HSPG2: variants seen among roughly 807,000 people sequenced by gnomAD.
HSPG2 encodes the protein basement membrane-specific heparan sulfate proteoglycan core protein.
HSPG2 carries 278 observed loss-of-function variants against 526.6 expected under a neutral mutation model. The observed-to-expected ratio is 0.53, with a 90% CI of 0.48 to 0.58. HSPG2 has a LOEUF of 0.58. Ranked by LOEUF, HSPG2 falls within the 20% of genes least tolerant of loss-of-function variation. HSPG2 has a pLI of 0.00. For missense variants in HSPG2, 5,354 were observed against 6,099.5 expected (o/e 0.88, Z 4.07); for synonymous variants, 2,465 against 2,555.4 (o/e 0.96, Z 1.07).
At chr1:21,936,991 G>A (rs1644504900) in intron 1 of HSPG2, among the ~76,000 whole-genome samples, 164 bp downstream of exon 1, 1 of 151,844 alleles carries the variant, frequency 6.6e-6, no homozygotes. Flanking sequence ...ATGCCGCAGG[G>A]TGGCGCCGGC....
rs762876188 is a variant in HSPG2 at position 21,855,551 on chromosome 1, C to A, written c.5826G>T (p.Gln1942His). ...LCRAHSSAGQ[Q>H]VARAVLHVHG... ...GCACGTGGAGCACAGCCCTGGCCAC[C>A]TGCTGCCCAGCGCTGCTGTGGGCTC... The change falls in exon 46 of 97, where the codon CAG (glutamine) becomes CAT (histidine). Residue 1942 changes from glutamine to histidine, a missense_variant. Physicochemically the swap from Gln to His is conservative, Grantham distance 24. Transcript: ENST00000374695. The A allele has an allele frequency of 5.0e-6, 8 of 1,605,216 alleles. No individual in the cohort carries two copies. The Admixed American group carries it at 1.0e-4, about 20-fold the overall frequency.
rs1361610020 is a variant in HSPG2, at chr1:21,842,095, G to C, written c.9100C>G (p.Gln3034Glu). 6.2e-7 allele frequency: 1 copy of C among 1,613,692 alleles called. No homozygotes were observed. The change falls in exon 69 of 97, where the codon CAG becomes GAG. Residue 3034 changes from glutamine (Q) to glutamate (E), a missense_variant. Transcript: ENST00000374695. ...TTGAAGCTGGCATCCTGGCCCTGCT[G>C]CACGGTGCTGCTGGGCGGGTCGATG... is the stretch of plus-strand genomic sequence containing the variant. The part of the protein sequence containing the change: ...ISIDPPSSTV[Q>E]QGQDASFKCL...
chr1:21,824,903 T>C lies in HSPG2; in HGVS notation c.12590-124A>G. ...TAGGGGGCTCCGAGCCTGCAGTCCC[T>C]GGGGACCCACGGGGGCTGCCAACAG... On this transcript the variant is annotated intron_variant, in intron 91 of 96. Transcript: ENST00000374695. The surrounding 1 kb of genome is among the most constrained non-coding windows in gnomAD (Gnocchi z 5.9). 2.3e-6 allele frequency: 2 copies of C among 887,960 alleles called. No individual in the cohort carries two copies. Among genetic ancestry groups the C allele is most frequent in the Non-Finnish European group, 3.7e-6 (2 of 545,560 alleles). 55.0% of individuals were successfully genotyped at this position (887,960 alleles called of 1,614,324 possible). A position where few individuals can be genotyped will look rare whatever the true frequency, so the allele number is the denominator to read the frequency against.
chr1:21,851,654 C>A lies in HSPG2; in HGVS notation c.7050G>T (p.Ser2350=), dbSNP rs369241951. 1 of 1,613,800 alleles carries A rather than the reference C, an allele frequency of 6.2e-7. No homozygotes were observed. Among genetic ancestry groups the A allele is most frequent in the Admixed American group, 1.7e-5 (1 of 60,016 alleles). The change falls in exon 55 of 97, where the codon TCG becomes TCT. Residue 2350 remains serine (S), a synonymous_variant. Transcript: ENST00000374695. ...CCAGGGTCTGCCCTTCCGCCACTTG[C>A]GAGGAGGAGGGCTCGATGCGGATGG... ...TQPIRIEPSS[S]QVAEGQTLDL... is the part of the protein sequence containing the mutation.
At chr1:21,896,865 A>T (rs1374761950) in intron 1 of HSPG2, among the ~76,000 whole-genome samples, 1 of 152,200 alleles carries the variant, frequency 6.6e-6, no homozygotes. Context: ...CAGGGAACAC[A>T]TTCCACTGTG....
At chr1:21,922,851 C>G (rs34600791) in intron 1 of HSPG2, among the ~76,000 whole-genome samples, 2,316 of 152,260 alleles carry the variant, frequency 0.015, 26 homozygotes, top group South Asian at 0.025. Context: ...CCCAGTACCC[C>G]CTCCTCGACC....
intron 91 of HSPG2, among the ~76,000 whole-genome samples, chr1:21,826,870 T>C (rs569242927): frequency 9.8e-5 from 15 of 152,360 alleles, no homozygotes; most frequent in Middle Eastern, 3.4e-3. Flanking sequence ...CACATTGTTC[T>C]AGGCATTTAA....
Position 21,859,675 on chromosome 1 carries a change from G to A in HSPG2, c.5184C>T (p.Gly1728=), listed in dbSNP as rs1293615920. 1 of 1,606,126 alleles carries A rather than the reference G, an allele frequency of 6.2e-7. No homozygotes were observed. Among genetic ancestry groups the A allele is most frequent in the South Asian group, 1.1e-5 (1 of 89,420 alleles). Residue 1728 remains glycine (G), a splice_region_variant and synonymous_variant, in exon 42 of 97, where the codon GGC becomes GGT. Transcript: ENST00000374695. This position sits in a 1 kb window ranked among gnomAD's most constrained non-coding sequence, Gnocchi z 5.3. The stretch of plus-strand genomic sequence containing the variant: ...GGACGCTGGGGAAGTGGAGCTCGGA[G>A]CCTGGTGGGGAGGAGACAAGAGCTT... ...VPSGTQQRHQ[G]SELHFPSVQP... is the part of the protein sequence containing the mutation.
chr1:21,927,841 G>A (rs1644246531), intron 1 of HSPG2, among the ~76,000 whole-genome samples: 1 of 152,244 alleles, frequency 6.6e-6, no homozygotes, highest in Non-Finnish European at 1.5e-5. Context: ...CTGCGAAAGA[G>A]GCCCAGGGAA....
intron 70 of HSPG2, 115 bp from the exon 71 acceptor site, chr1:21,841,400 G>T: frequency 6.4e-7 from 1 of 1,559,378 alleles, no homozygotes; most frequent in Non-Finnish European, 8.8e-7. Flanking sequence ...CCACTGCACT[G>T]AGGTGGAAAC....
rs560481172 is a variant in HSPG2, at chr1:21,823,206, G to A, written c.*110C>T. The A allele has an allele frequency of 1.9e-5, 20 of 1,074,428 alleles. No individual in the cohort carries two copies. Among genetic ancestry groups the A allele is most frequent in the Admixed American group, 6.1e-5 (2 of 32,636 alleles). 66.6% of individuals were successfully genotyped at this position (1,074,428 alleles called of 1,614,324 possible). A position where few individuals can be genotyped will look rare whatever the true frequency, so the allele number is the denominator to read the frequency against. On this transcript the variant is annotated 3_prime_UTR_variant, in exon 97 of 97. Transcript: ENST00000374695. ...CAGCCCAGGGCGGTAGCAGCAAAGC[G>A]TGGCATCGCCTCGGTTTCTTACAAA...
chr1:21,882,979 C>G lies in HSPG2; in HGVS notation c.1655-1477G>C, dbSNP rs186131001. On this transcript the variant is annotated intron_variant, in intron 13 of 96. Coordinates refer to ENST00000374695, the MANE Select transcript of HSPG2 (RefSeq NM_005529.7). ...TTTCCTCCCTGCCTTCCGGGGATGTCTTCAGGCCTCCTCCCTCCTGGTCAC... is the reference window on the plus strand; with the variant it reads ...TTTCCTCCCTGCCTTCCGGGGATGTGTTCAGGCCTCCTCCCTCCTGGTCAC... Among the ~76,000 whole-genome samples, 7 of 152,290 alleles carry G rather than the reference C, an allele frequency of 4.6e-5. No homozygotes were observed. The East Asian group carries it at 1.3e-3, about 29-fold the overall frequency.
At position 21,857,171 on chromosome 1, in the gene HSPG2, T is replaced by A; in HGVS notation, c.5419A>T (p.Thr1807Ser). Residue 1807 changes from threonine (T) to serine (S), a missense_variant, in exon 44 of 97, where the codon ACC (threonine) becomes TCC (serine). By Grantham distance (58) the Thr-to-Ser change is moderately conservative. Transcript: ENST00000374695. ...SKSPAYTLVW[T>S]RLHNGKLPTR... ...GGCAGTTTCCCGTTGTGCAGGCGGG[T>A]CCACACCAGGGTATAGGCTGGGGAC... The A allele has an allele frequency of 6.2e-7, 1 of 1,613,530 alleles. No homozygotes were observed. Among genetic ancestry groups the A allele is most frequent in the South Asian group, 1.1e-5 (1 of 91,030 alleles).
In HSPG2 at chr1:21,865,197, G is replaced by A. The variant is rs1355596863; in HGVS notation, c.4395+88C>T. ...GGCTGCCAGGTGAAGGTTGGGGAGCGAGAGACAGGGTGGGTATCAAAGCCA... is the reference window on the plus strand; with the variant it reads ...GGCTGCCAGGTGAAGGTTGGGGAGCAAGAGACAGGGTGGGTATCAAAGCCA... On this transcript the variant is annotated intron_variant, in intron 35 of 96. Coordinates refer to ENST00000374695, the MANE Select transcript of HSPG2 (RefSeq NM_005529.7). The surrounding 1 kb of genome is among the most constrained non-coding windows in gnomAD (Gnocchi z 5.4). The A allele has an allele frequency of 7.2e-6, 11 of 1,517,748 alleles. No homozygotes were observed. Among genetic ancestry groups the A allele is most frequent in the South Asian group, 5.6e-5 (5 of 89,132 alleles). The allele number at this position is 1,517,748 out of a possible 1,614,324, so 94.0% of individuals were successfully genotyped here. A position where few individuals can be genotyped will look rare whatever the true frequency, so the allele number is the denominator to read the frequency against.
intron 1 of HSPG2, among the ~76,000 whole-genome samples, chr1:21,921,375 C>T (rs1272563908): frequency 6.6e-6 from 1 of 152,142 alleles, no homozygotes; most frequent in African/African-American, 2.4e-5. Context: ...TCTGTTCATA[C>T]AGCTGCCACC....
intron 1 of HSPG2, among the ~76,000 whole-genome samples, chr1:21,927,974 A>G (rs965768185): frequency 6.6e-6 from 1 of 152,232 alleles, no homozygotes; most frequent in Admixed American, 6.5e-5. Context: ...CCTTGTCTTT[A>G]GCAGGAACGA....
At chr1:21,835,983 CAAAAAA>C (rs71569851) in intron 75 of HSPG2, among the ~76,000 whole-genome samples, 2 of 75,802 alleles carry the variant, frequency 2.6e-5, no homozygotes, top group Middle Eastern at 7.5e-3. Flanking sequence ...GATTCCATCT[CAAAAAA>C]AAAAAAAAAA....
chr1:21,895,853 C>T lies in HSPG2; in HGVS notation c.244+69G>A. The T allele has an allele frequency of 1.3e-6, 2 of 1,484,748 alleles. No homozygotes were observed. Among genetic ancestry groups the T allele is most frequent in the Non-Finnish European group, 1.9e-6 (2 of 1,063,658 alleles). The allele number at this position is 1,484,748 out of a possible 1,614,324, so 92.0% of individuals were successfully genotyped here. A position where few individuals can be genotyped will look rare whatever the true frequency, so the allele number is the denominator to read the frequency against. On this transcript the variant is annotated intron_variant, in intron 3 of 96. Coordinates refer to ENST00000374695, the MANE Select transcript of HSPG2 (RefSeq NM_005529.7). This position sits in a 1 kb window ranked among gnomAD's most constrained non-coding sequence, Gnocchi z 4.1. ...GGGCAGGCCCAAGGAGCCCTCAGCC[C>T]AGGAGACTGGCTCTGGGGCTTCCCT...
chr1:21,878,615 G>A lies in HSPG2; in HGVS notation c.2520C>T (p.Asp840=), dbSNP rs544565016. Residue 840 remains aspartate (D), a synonymous_variant, in exon 19 of 97, where the codon GAC becomes GAT. Transcript: ENST00000374695. Reference sequence around the variant, plus strand: ...GGCCAGTGTAGCCTGGGGCACAGGCGTCACATGTGGCTTGGCCATCCGTGT... The same window carrying A: ...GGCCAGTGTAGCCTGGGGCACAGGCATCACATGTGGCTTGGCCATCCGTGT... ...FLDTDGQATC[D]ACAPGYTGRR... is the part of the protein sequence containing the mutation. 116 of 1,614,118 alleles carry A rather than the reference G, an allele frequency of 7.2e-5. No homozygotes were observed. The highest frequency in any genetic ancestry group is 9.0e-5 in the Non-Finnish European group (106 of 1,180,028).
Sources: gnomAD v4.1 joint callset for allele counts (sites outside exome capture counted in the v4.1 genomes callset) on GRCh38, gnomAD v4.1.1 for gene constraint, Gnocchi (gnomAD v3.1) non-coding constraint, MANE v1.5 for transcripts, NCBI Gene and HGNC (gene_info 2026-07-23, HGNC 2026-07-21) for gene names.